RAP1GDS1: variants seen among roughly 807,000 people sequenced by gnomAD.
RAP1GDS1 encodes RAP1, GTP-GDP dissociation stimulator 1.
RAP1GDS1 carries 35 observed loss-of-function variants against 71.1 expected under a neutral mutation model. The ratio of observed to expected loss-of-function variants is 0.49; its 90% confidence interval spans 0.38 to 0.65. The LOEUF (loss-of-function observed/expected upper bound fraction) is 0.65, where lower values mean the gene tolerates loss of function less well. Ranked by LOEUF, RAP1GDS1 falls within the 30% of genes least tolerant of loss-of-function variation. The pLI, the probability that RAP1GDS1 is intolerant of heterozygous loss-of-function variation, is 0.00. For synonymous variants in RAP1GDS1, 229 were observed against 243.1 expected, an observed-to-expected ratio of 0.94 and a Z score of 0.54; for missense variants, 663 against 706.1, an observed-to-expected ratio of 0.94 and a Z score of 0.69.
intron 1 of RAP1GDS1, among the ~76,000 whole-genome samples, chr4:98,285,702 TTATAAC>T (rs945071252): frequency 6.6e-6 from 1 of 151,146 alleles, no homozygotes; most frequent in African/African-American, 2.4e-5. Flanking sequence ...TTGAATAAAA[TTATAAC>T]TGTCATAAAA....
chr4:98,330,601 C>A lies in RAP1GDS1; in HGVS notation c.113-12538C>A, dbSNP rs578212148. 1.8e-3 allele frequency among the ~76,000 whole-genome samples: 236 copies of A among 132,280 alleles called. 1 individual carries two copies. Among genetic ancestry groups the A allele is most frequent in the African/African-American group, 6.5e-3 (224 of 34,304 alleles). 86.8% of individuals were successfully genotyped at this position (132,280 alleles called of 152,430 possible). Reference sequence around the variant, plus strand: ...CCCAGACGGGGCGGCCGGGCAGAGGCGCTCCCCACATCCCAGACGATGGGC... The same window carrying A: ...CCCAGACGGGGCGGCCGGGCAGAGGAGCTCCCCACATCCCAGACGATGGGC... On this transcript the variant is annotated intron_variant, in intron 2 of 14. Transcript: ENST00000408927.
chr4:98,440,269 T>C (rs1751704548), intron 14 of RAP1GDS1, among the ~76,000 whole-genome samples: 1 of 152,218 alleles, frequency 6.6e-6, no homozygotes, highest in Non-Finnish European at 1.5e-5. Context: ...TTTTGGCTTT[T>C]GTGAATAATG....
chr4:98,278,408 A>G (rs1320168184), intron 1 of RAP1GDS1, among the ~76,000 whole-genome samples: 2 of 152,158 alleles, frequency 1.3e-5, no homozygotes, highest in African/African-American at 2.4e-5. Context: ...AAATTACTGT[A>G]AAGTTGAATT....
intron 6 of RAP1GDS1, among the ~76,000 whole-genome samples, chr4:98,394,262 A>G (rs1376152134): frequency 6.6e-6 from 1 of 152,006 alleles, no homozygotes; most frequent in Non-Finnish European, 1.5e-5. Flanking sequence ...CTCCTGCTTG[A>G]CCTCATGAGA....
At chr4:98,285,799 TTAA>T (rs1364213248) in intron 1 of RAP1GDS1, among the ~76,000 whole-genome samples, 5 of 147,066 alleles carry the variant, frequency 3.4e-5, no homozygotes, top group African/African-American at 1.2e-4. Flanking sequence ...GCACTTTTTA[TTAA>T]TATATTAATA....
chr4:98,262,246 T>C lies in RAP1GDS1; in HGVS notation c.4+677T>C, dbSNP rs575191106. Reference sequence around the variant, plus strand: ...GTGTGCAATATTCCCGTGCCCAGCCTATTTTCTGGATTCCTTCGTCCGTCT... The same window carrying C: ...GTGTGCAATATTCCCGTGCCCAGCCCATTTTCTGGATTCCTTCGTCCGTCT... On this transcript the variant is annotated intron_variant, in intron 1 of 14. Coordinates refer to ENST00000408927, the MANE Select transcript of RAP1GDS1 (RefSeq NM_001100427.2). 2.6e-5 allele frequency among the ~76,000 whole-genome samples: 4 copies of C among 152,226 alleles called. No homozygotes were observed. The South Asian group carries it at 8.3e-4, about 32-fold the overall frequency.
At chr4:98,261,663 A>AT (rs1721986551) in intron 1 of RAP1GDS1, 94 bp downstream of exon 1, 2 of 1,439,216 alleles carry the variant, frequency 1.4e-6, no homozygotes, top group Non-Finnish European at 1.9e-6. Flanking sequence ...AAGTTGCCGG[A>AT]TTTCTCCAGT....
chr4:98,430,069 A>T (rs1191252223), intron 12 of RAP1GDS1, among the ~76,000 whole-genome samples: 1 of 152,106 alleles, frequency 6.6e-6, no homozygotes, highest in African/African-American at 2.4e-5. Context: ...TTGTTCATAG[A>T]TCCCCCTTTC....
At chr4:98,382,104 T>C (rs1221482643) in intron 5 of RAP1GDS1, among the ~76,000 whole-genome samples, 1 of 151,610 alleles carries the variant, frequency 6.6e-6, no homozygotes, top group African/African-American at 2.4e-5. Flanking sequence ...AAGCTGTATA[T>C]AATTCATAAT....
At chr4:98,323,528 A>T (rs1343845655) in intron 2 of RAP1GDS1, among the ~76,000 whole-genome samples, 2 of 142,080 alleles carry the variant, frequency 1.4e-5, no homozygotes, top group African/African-American at 5.4e-5. Context: ...CCTCAATAAA[A>T]TACTGGCAAA....
chr4:98,327,104 C>T (rs539503341), intron 2 of RAP1GDS1, among the ~76,000 whole-genome samples: 196 of 152,280 alleles, frequency 1.3e-3, no homozygotes, highest in Non-Finnish European at 2.5e-3. Context: ...ACAGTAGTTT[C>T]TATTACTTCC....
intron 4 of RAP1GDS1, among the ~76,000 whole-genome samples, chr4:98,370,174 T>C (rs1740156422): frequency 6.6e-6 from 1 of 152,206 alleles, no homozygotes; most frequent in Non-Finnish European, 1.5e-5. Flanking sequence ...GTATGAAACA[T>C]AGTGAGCATT....
intron 2 of RAP1GDS1, among the ~76,000 whole-genome samples, chr4:98,298,248 G>A (rs1396282772): frequency 6.6e-6 from 1 of 152,198 alleles, no homozygotes; most frequent in East Asian, 1.9e-4. Flanking sequence ...AGAAGCTGAA[G>A]CAAGTTACCC....
chr4:98,274,098 T>C (rs1189144091), intron 1 of RAP1GDS1, among the ~76,000 whole-genome samples: 1 of 152,226 alleles, frequency 6.6e-6, no homozygotes, highest in African/African-American at 2.4e-5. Flanking sequence ...AATGACTTTA[T>C]TGCAGTATTT....
chr4:98,423,801 C>T (rs569050172), intron 12 of RAP1GDS1, among the ~76,000 whole-genome samples: 1 of 152,124 alleles, frequency 6.6e-6, no homozygotes, highest in African/African-American at 2.4e-5. Flanking sequence ...ACCTCGGCCT[C>T]CCAAAGTGTT....
At chr4:98,313,202 ACTGT>A (rs1379353027) in intron 2 of RAP1GDS1, among the ~76,000 whole-genome samples, 2 of 151,628 alleles carry the variant, frequency 1.3e-5, no homozygotes, top group African/African-American at 4.9e-5. Context: ...AACTCTGAAG[ACTGT>A]CTGTTAGCAG....
intron 2 of RAP1GDS1, among the ~76,000 whole-genome samples, chr4:98,294,258 C>T (rs1009088011): frequency 6.6e-6 from 1 of 151,878 alleles, no homozygotes; most frequent in African/African-American, 2.4e-5. Context: ...TGCTCTTGTC[C>T]TATCCTGAAA....
intron 1 of RAP1GDS1, among the ~76,000 whole-genome samples, chr4:98,280,123 C>T (rs1724840014): frequency 1.3e-5 from 2 of 152,162 alleles, no homozygotes. Flanking sequence ...GGTATATACC[C>T]AGTAATGGGA....
chr4:98,317,021 T>C (rs1731040555), intron 2 of RAP1GDS1, among the ~76,000 whole-genome samples: 1 of 152,154 alleles, frequency 6.6e-6, no homozygotes, highest in Admixed American at 6.5e-5. Flanking sequence ...GTTTGGGAGA[T>C]TGTGATCCAT....
Sources: gnomAD v4.1 joint callset for allele counts (sites outside exome capture counted in the v4.1 genomes callset) on GRCh38, gnomAD v4.1.1 for gene constraint, MANE v1.5 for transcripts, NCBI Gene and HGNC (gene_info 2026-07-23, HGNC 2026-07-21) for gene names.